Variants in EEIG2 observed in about 807,000 individuals in gnomAD.
The protein encoded by EEIG2 is family with sequence similarity 102 member B.
chr1:108,611,343 C>T, the EEIG2 span, among the ~76,000 whole-genome samples: 9 of 152,218 alleles, frequency 5.9e-5, no homozygotes, highest in African/African-American at 1.7e-4. Flanking sequence ...AAAAATGATA[C>T]AATGAGGTTG....
At chr1:108,585,784 A>G in the EEIG2 span, among the ~76,000 whole-genome samples, 1 of 152,144 alleles carries the variant, frequency 6.6e-6, no homozygotes, top group Non-Finnish European at 1.5e-5. Context: ...CAGAGCCTTC[A>G]TAGTACAGTT....
At chr1:108,626,754 GTTA>G in the EEIG2 span, 1 of 152,064 alleles carries the variant, frequency 6.6e-6, no homozygotes, top group Non-Finnish European at 1.5e-5. Flanking sequence ...TTTTCCCTCG[GTTA>G]TTATACTCCA....
the EEIG2 span, among the ~76,000 whole-genome samples, chr1:108,613,319 T>C: frequency 6.6e-5 from 10 of 152,206 alleles, no homozygotes; most frequent in Non-Finnish European, 1.3e-4. Flanking sequence ...TAGATTGTTA[T>C]TCACATTTTA....
chr1:108,590,968 A>G, the EEIG2 span, among the ~76,000 whole-genome samples: 2 of 152,226 alleles, frequency 1.3e-5, no homozygotes, highest in South Asian at 4.1e-4. Context: ...ACACAAGGCC[A>G]TAGCAACATT....
chr1:108,609,212 A>G, the EEIG2 span, among the ~76,000 whole-genome samples: 124 of 152,346 alleles, frequency 8.1e-4, 2 homozygotes, highest in Admixed American at 3.3e-3. Context: ...TTCAACAAAT[A>G]TGTATTAAGT....
At chr1:108,583,925 C>T in the EEIG2 span, among the ~76,000 whole-genome samples, 1 of 152,030 alleles carries the variant, frequency 6.6e-6, no homozygotes, top group East Asian at 1.9e-4. Flanking sequence ...ATGGAAAGTA[C>T]GTTAGAGGAC....
At chr1:108,629,458 A>G in the EEIG2 span, 1 of 598,810 alleles carries the variant, frequency 1.7e-6, no homozygotes, top group East Asian at 3.0e-5. Flanking sequence ...AAACATGTAT[A>G]TAACTTTGGT....
At chr1:108,633,586 C>T in the EEIG2 span, among the ~76,000 whole-genome samples, 1 of 152,222 alleles carries the variant, frequency 6.6e-6, no homozygotes, top group Non-Finnish European at 1.5e-5. Context: ...TTTTTTCTGA[C>T]AAGAAGTCTG....
the EEIG2 span, among the ~76,000 whole-genome samples, chr1:108,564,220 C>G: frequency 6.6e-6 from 1 of 151,504 alleles, no homozygotes; most frequent in Non-Finnish European, 1.5e-5. Context: ...GGCGTATCAC[C>G]TGGCTGACAG....
At chr1:108,578,742 C>T in the EEIG2 span, among the ~76,000 whole-genome samples, 10 of 150,542 alleles carry the variant, frequency 6.6e-5, no homozygotes, top group South Asian at 2.1e-4. Flanking sequence ...GCGGATCTCT[C>T]GGCAGAAACC....
chr1:108,572,377 A>G, the EEIG2 span, among the ~76,000 whole-genome samples: 2 of 152,018 alleles, frequency 1.3e-5, no homozygotes, highest in African/African-American at 4.8e-5. Context: ...ATCCTGCCAC[A>G]CGGTCGTACA....
chr1:108,582,837 G>T, the EEIG2 span, among the ~76,000 whole-genome samples: 2 of 151,996 alleles, frequency 1.3e-5, no homozygotes, highest in Admixed American at 1.3e-4. Flanking sequence ...GTAGCTGAGT[G>T]GGGGAGCAGA....
the EEIG2 span, among the ~76,000 whole-genome samples, chr1:108,576,212 A>G: frequency 6.6e-6 from 1 of 152,200 alleles, no homozygotes; most frequent in African/African-American, 2.4e-5. Context: ...TAATTCCTGG[A>G]CAAATTCATT....
the EEIG2 span, among the ~76,000 whole-genome samples, chr1:108,566,297 T>C: frequency 6.6e-6 from 1 of 152,192 alleles, no homozygotes; most frequent in African/African-American, 2.4e-5. Flanking sequence ...TCCATTATTA[T>C]TTATTTAGGA....
the EEIG2 span, among the ~76,000 whole-genome samples, chr1:108,618,508 T>C: frequency 1.3e-5 from 2 of 152,140 alleles, no homozygotes; most frequent in Non-Finnish European, 2.9e-5. Context: ...ATTGATACCA[T>C]TGAAATATCT....
chr1:108,592,301 CTTTA>C, the EEIG2 span, among the ~76,000 whole-genome samples: 1 of 152,170 alleles, frequency 6.6e-6, no homozygotes, highest in South Asian at 2.1e-4. Context: ...GTCAACAAAT[CTTTA>C]TTGTTTCCTG....
the EEIG2 span, among the ~76,000 whole-genome samples, chr1:108,618,126 G>T: frequency 6.6e-6 from 1 of 152,140 alleles, no homozygotes. Context: ...GATGGAAGAT[G>T]ATATAACATA....
the EEIG2 span, among the ~76,000 whole-genome samples, chr1:108,589,599 T>G: frequency 6.6e-6 from 1 of 152,080 alleles, no homozygotes; most frequent in Admixed American, 6.6e-5. Context: ...TCTCCTTTGC[T>G]TCTCCCACTG....
At chr1:108,604,905 G>A in the EEIG2 span, among the ~76,000 whole-genome samples, 26 of 151,548 alleles carry the variant, frequency 1.7e-4, no homozygotes, top group African/African-American at 5.8e-4. Flanking sequence ...TTAGCTGGGT[G>A]TGGTGGCACG....
Sources: allele counts gnomAD v4.1 joint callset (sites outside exome capture counted in the v4.1 genomes callset), GRCh38; gene constraint gnomAD v4.1.1; transcripts MANE v1.5; gene names NCBI Gene and HGNC (gene_info 2026-07-23, HGNC 2026-07-21).